Variants in QTMAN observed in about 807,000 individuals in gnomAD.
QTMAN encodes queuosine-tRNA mannosyltransferase, also known as tRNA-queuosine alpha-mannosyltransferase.
the QTMAN span, among the ~76,000 whole-genome samples, chr2:144,035,249 T>C: frequency 6.6e-6 from 1 of 152,154 alleles, no homozygotes; most frequent in Admixed American, 6.5e-5. Flanking sequence ...TGATTGTAAG[T>C]TTCCTGAGGC....
At chr2:144,012,361 C>G in the QTMAN span, among the ~76,000 whole-genome samples, 1 of 152,162 alleles carries the variant, frequency 6.6e-6, no homozygotes. Flanking sequence ...TTTTTCATAT[C>G]AGCCGGGAAA....
At chr2:144,306,944 C>T in the QTMAN span, among the ~76,000 whole-genome samples, 1 of 151,296 alleles carries the variant, frequency 6.6e-6, no homozygotes, top group South Asian at 2.1e-4. Flanking sequence ...GGTGGATCAC[C>T]AGGTCAGGAG....
chr2:143,971,760 T>C, the QTMAN span, among the ~76,000 whole-genome samples: 1 of 152,264 alleles, frequency 6.6e-6, no homozygotes, highest in South Asian at 2.1e-4. Flanking sequence ...ATATCAGCAA[T>C]TGAATTTCTC....
At chr2:144,164,111 T>TG in the QTMAN span, among the ~76,000 whole-genome samples, 1 of 151,878 alleles carries the variant, frequency 6.6e-6, no homozygotes, top group Non-Finnish European at 1.5e-5. Flanking sequence ...TTATTAGAGA[T>TG]GGGGGTTTCA....
chr2:144,248,809 A>T, the QTMAN span, among the ~76,000 whole-genome samples: 1 of 152,008 alleles, frequency 6.6e-6, no homozygotes, highest in Non-Finnish European at 1.5e-5. Context: ...CATATAAAAT[A>T]TAAGATCTCA....
At chr2:144,232,267 C>T in the QTMAN span, among the ~76,000 whole-genome samples, 1 of 152,118 alleles carries the variant, frequency 6.6e-6, no homozygotes, top group African/African-American at 2.4e-5. Flanking sequence ...GAGAAAATAA[C>T]AGGTGAGTTT....
At chr2:144,157,980 C>T in the QTMAN span, among the ~76,000 whole-genome samples, 2 of 151,814 alleles carry the variant, frequency 1.3e-5, no homozygotes, top group Non-Finnish European at 2.9e-5. Flanking sequence ...GTTGAAATAT[C>T]ACCATGTTTG....
At chr2:144,060,550 C>T in the QTMAN span, among the ~76,000 whole-genome samples, 2 of 152,136 alleles carry the variant, frequency 1.3e-5, no homozygotes, top group Admixed American at 6.5e-5. Context: ...TGTGAGACAT[C>T]GTGCCCAGCC....
At chr2:144,080,911 G>GA in the QTMAN span, among the ~76,000 whole-genome samples, 1 of 152,100 alleles carries the variant, frequency 6.6e-6, no homozygotes, top group African/African-American at 2.4e-5. Flanking sequence ...TGTTACAACT[G>GA]AAAATATTTT....
chr2:143,969,458 T>C, the QTMAN span, among the ~76,000 whole-genome samples: 6 of 152,226 alleles, frequency 3.9e-5, no homozygotes, highest in Non-Finnish European at 7.3e-5. Context: ...AGCACTGCAA[T>C]GGGCTTTGGG....
chr2:144,058,651 G>C, the QTMAN span, among the ~76,000 whole-genome samples: 17 of 152,070 alleles, frequency 1.1e-4, no homozygotes, highest in Non-Finnish European at 2.4e-4. Context: ...AGGAGTTCTA[G>C]AGACATGTAT....
the QTMAN span, among the ~76,000 whole-genome samples, chr2:144,308,777 G>GA: frequency 1.3e-5 from 2 of 151,592 alleles, no homozygotes; most frequent in Non-Finnish European, 2.9e-5. Context: ...CAATTTCTTA[G>GA]ATATTACCAA....
the QTMAN span, among the ~76,000 whole-genome samples, chr2:144,324,603 A>C: frequency 4.6e-5 from 7 of 152,280 alleles, no homozygotes; most frequent in Non-Finnish European, 8.8e-5. Flanking sequence ...ATATTTAAGA[A>C]GGCCTCAGGC....
At chr2:144,227,063 T>C in the QTMAN span, among the ~76,000 whole-genome samples, 1 of 152,198 alleles carries the variant, frequency 6.6e-6, no homozygotes, top group African/African-American at 2.4e-5. Context: ...TCTAAGAATT[T>C]AAAAACATAT....
At chr2:144,308,372 T>C in the QTMAN span, among the ~76,000 whole-genome samples, 1 of 151,992 alleles carries the variant, frequency 6.6e-6, no homozygotes, top group Non-Finnish European at 1.5e-5. Flanking sequence ...TTCACTATGT[T>C]AGCCAGGTTG....
the QTMAN span, chr2:143,970,649 G>GAAAA: frequency 6.8e-7 from 1 of 1,471,180 alleles, no homozygotes; most frequent in Non-Finnish European, 9.5e-7. Flanking sequence ...TTCAACAGAG[G>GAAAA]TACCTGGGAC....
At chr2:144,061,758 C>T in the QTMAN span, among the ~76,000 whole-genome samples, 1 of 152,122 alleles carries the variant, frequency 6.6e-6, no homozygotes. Context: ...ACCATTTGGC[C>T]TGCCACACCC....
At chr2:144,247,783 CCCA>C in the QTMAN span, among the ~76,000 whole-genome samples, 4 of 152,138 alleles carry the variant, frequency 2.6e-5, no homozygotes, top group Non-Finnish European at 5.9e-5. Context: ...AGGAGATTCT[CCCA>C]CCTCAGCCCC....
At chr2:144,292,875 A>G in the QTMAN span, among the ~76,000 whole-genome samples, 2 of 152,220 alleles carry the variant, frequency 1.3e-5, no homozygotes, top group Admixed American at 1.3e-4. Context: ...TTTCATTTTA[A>G]AAGATAATAC....
Sources: allele counts gnomAD v4.1 joint callset (sites outside exome capture counted in the v4.1 genomes callset), GRCh38; gene constraint gnomAD v4.1.1; transcripts MANE v1.5; gene names NCBI Gene and HGNC (gene_info 2026-07-23, HGNC 2026-07-21).